ANKS1B: variants seen among roughly 807,000 people sequenced by gnomAD.
The protein encoded by ANKS1B is ankyrin repeat and sterile alpha motif domain containing 1B, also known as ankyrin repeat and sterile alpha motif domain-containing protein 1B.
A neutral mutation model predicts 148.3 loss-of-function variants in ANKS1B; 36 were observed. The ratio of observed to expected loss-of-function variants is 0.24; its 90% confidence interval spans 0.19 to 0.32. The LOEUF is 0.32. Ranked by LOEUF, ANKS1B falls within the 10% of genes least tolerant of loss-of-function variation. ANKS1B has a pLI of 1.00. For missense variants in ANKS1B, 1,157 were observed against 1,542.6 expected (o/e 0.75, Z 4.19); for synonymous variants, 542 against 560.8 (o/e 0.97, Z 0.47).
At chr12:99,598,863 G>A (rs1330635769) in intron 9 of ANKS1B, among the ~76,000 whole-genome samples, 1 of 152,050 alleles carries the variant, frequency 6.6e-6, no homozygotes, top group Non-Finnish European at 1.5e-5. Flanking sequence ...AGCTATTGCA[G>A]TTCATAGTTT....
chr12:99,539,228 C>T (rs10745858), intron 9 of ANKS1B, among the ~76,000 whole-genome samples: 69,751 of 151,868 alleles, frequency 0.46, 16,237 homozygotes, highest in East Asian at 0.56. Context: ...TATAAATGTA[C>T]TTTTATTTAT....
intron 16 of ANKS1B, among the ~76,000 whole-genome samples, chr12:99,077,629 C>T (rs755441213): frequency 9.2e-5 from 14 of 152,164 alleles, no homozygotes; most frequent in African/African-American, 1.4e-4. Context: ...CACACATCTG[C>T]GTCAACCATC....
At chr12:99,955,436 T>A (rs369108649) in intron 1 of ANKS1B, among the ~76,000 whole-genome samples, 1 of 132,826 alleles carries the variant, frequency 7.5e-6, no homozygotes, top group East Asian at 2.2e-4. Context: ...GAGCTTGCAG[T>A]GAGTCGAGAT....
chr12:99,919,760 T>C (rs922232680), intron 1 of ANKS1B, among the ~76,000 whole-genome samples: 3 of 136,070 alleles, frequency 2.2e-5, no homozygotes, highest in African/African-American at 8.7e-5. Flanking sequence ...CTAGCCCAAA[T>C]TGAAATGTGC....
At chr12:99,283,855 C>T (rs1248870511) in intron 12 of ANKS1B, among the ~76,000 whole-genome samples, 1 of 152,086 alleles carries the variant, frequency 6.6e-6, no homozygotes, top group African/African-American at 2.4e-5. Context: ...TGAAATAATA[C>T]CCTGCCACAA....
chr12:98,752,677 G>A (rs1230522691), intron 25 of ANKS1B, among the ~76,000 whole-genome samples: 1 of 152,182 alleles, frequency 6.6e-6, no homozygotes, highest in Non-Finnish European at 1.5e-5. Flanking sequence ...AGGAGGAGCA[G>A]GCCCCACAGC....
chr12:99,189,812 T>C (rs542959223), intron 14 of ANKS1B, among the ~76,000 whole-genome samples: 5 of 152,254 alleles, frequency 3.3e-5, no homozygotes, highest in African/African-American at 1.2e-4. Context: ...ACCACTCCTA[T>C]TCAACATAGT....
chr12:98,927,568 ATTTT>A (rs2099809863), intron 17 of ANKS1B, among the ~76,000 whole-genome samples: 1 of 151,900 alleles, frequency 6.6e-6, no homozygotes, highest in African/African-American at 2.4e-5. Flanking sequence ...TTTAATTGAA[ATTTT>A]TTTCTTTTAT....
chr12:99,633,208 G>T (rs1194757604), intron 9 of ANKS1B, among the ~76,000 whole-genome samples: 1 of 151,752 alleles, frequency 6.6e-6, no homozygotes, highest in African/African-American at 2.4e-5. Context: ...GAATAGTGCC[G>T]CAATAAACAT....
At chr12:99,728,613 C>A (rs1362736090) in intron 8 of ANKS1B, among the ~76,000 whole-genome samples, 1 of 152,122 alleles carries the variant, frequency 6.6e-6, no homozygotes, top group African/African-American at 2.4e-5. Flanking sequence ...GACCCAGCAA[C>A]CCCATTACTG....
chr12:99,911,415 T>C (rs1286376531), intron 1 of ANKS1B, among the ~76,000 whole-genome samples: 6 of 152,196 alleles, frequency 3.9e-5, no homozygotes, highest in Non-Finnish European at 7.3e-5. Flanking sequence ...TCCTATCAGC[T>C]TAAAAGTCCA....
chr12:99,732,058 T>C (rs1340796934), intron 8 of ANKS1B, among the ~76,000 whole-genome samples: 1 of 152,206 alleles, frequency 6.6e-6, no homozygotes, highest in Admixed American at 6.5e-5. Context: ...TAAATGATGT[T>C]CTATAATATT....
At chr12:99,492,165 A>G (rs147148813) in intron 10 of ANKS1B, among the ~76,000 whole-genome samples, 231 of 152,296 alleles carry the variant, frequency 1.5e-3, no homozygotes, top group Non-Finnish European at 2.2e-4. Flanking sequence ...TTAAACTAAT[A>G]AAGAAGAAAA....
intron 15 of ANKS1B, chr12:99,097,293 C>G (rs951359109): frequency 1.3e-5 from 2 of 152,106 alleles, no homozygotes; most frequent in African/African-American, 4.8e-5. Context: ...TGCTGGTACA[C>G]CATAACACCA....
At chr12:99,979,818 T>C (rs766355891) in intron 1 of ANKS1B, among the ~76,000 whole-genome samples, 3 of 152,106 alleles carry the variant, frequency 2.0e-5, no homozygotes, top group African/African-American at 7.2e-5. Flanking sequence ...CTGATTGTCA[T>C]TGCGTGGCTT....
intron 9 of ANKS1B, among the ~76,000 whole-genome samples, chr12:99,644,316 C>T (rs2098338705): frequency 2.0e-5 from 3 of 152,244 alleles, no homozygotes; most frequent in East Asian, 3.9e-4. Context: ...TTAACATTCT[C>T]TCTACAATGA....
chr12:99,517,781 T>C (rs2096836551), intron 9 of ANKS1B, among the ~76,000 whole-genome samples: 1 of 152,126 alleles, frequency 6.6e-6, no homozygotes, highest in African/African-American at 2.4e-5. Context: ...AAAGTGATAA[T>C]CCTTGTTGTG....
At chr12:99,682,811 G>A (rs1169069670) in intron 8 of ANKS1B, among the ~76,000 whole-genome samples, 3 of 152,068 alleles carry the variant, frequency 2.0e-5, no homozygotes, top group African/African-American at 7.2e-5. Flanking sequence ...AAAGATAAAT[G>A]ACATGAAAAG....
intron 1 of ANKS1B, among the ~76,000 whole-genome samples, chr12:99,906,518 G>A (rs1465265477): frequency 1.4e-5 from 2 of 148,110 alleles, no homozygotes; most frequent in Non-Finnish European, 3.1e-5. Context: ...GAATTTGGTT[G>A]ATTGACTGAT....
Sources: allele counts gnomAD v4.1 joint callset (sites outside exome capture counted in the v4.1 genomes callset), GRCh38; gene constraint gnomAD v4.1.1; transcripts MANE v1.5; gene names NCBI Gene and HGNC (gene_info 2026-07-23, HGNC 2026-07-21).